CSMD2: variants seen among roughly 807,000 people sequenced by gnomAD.
CSMD2 encodes the protein CUB and Sushi multiple domains 2.
Under a neutral mutation model 398.5 loss-of-function variants are expected in CSMD2, and 130 were observed. The observed-to-expected ratio is 0.33, with a 90% CI of 0.28 to 0.38. The LOEUF is 0.38. CSMD2 is among the 10% of genes least tolerant of loss of function. The pLI, the probability that CSMD2 is intolerant of heterozygous loss-of-function variation, is 1.00. For synonymous variants in CSMD2, 1,828 were observed against 1,908.5 expected (o/e 0.96, Z 1.10); for missense variants, 3,829 against 4,764.9 (o/e 0.80, Z 5.78).
In CSMD2 at chr1:33,623,153, G is replaced by T. The variant is rs538769143; in HGVS notation, c.5722+217C>A. 2.6e-5 allele frequency among the ~76,000 whole-genome samples: 4 copies of T among 152,312 alleles called. No individual in the cohort carries two copies. In the East Asian group the frequency reaches 7.7e-4, roughly 29 times the overall value. Reference sequence around the variant, plus strand: ...GGAGGGGAGTGCAAATGGGTACCTGGTTTATTTTGGGGTGGTCAAAATGTT... The same window carrying T: ...GGAGGGGAGTGCAAATGGGTACCTGTTTTATTTTGGGGTGGTCAAAATGTT... On this transcript the variant is annotated intron_variant, in intron 36 of 70. Transcript: ENST00000373381.
At chr1:33,619,869 G>A (rs1241459795) in intron 37 of CSMD2, among the ~76,000 whole-genome samples, 1 of 152,060 alleles carries the variant, frequency 6.6e-6, no homozygotes, top group East Asian at 1.9e-4. Context: ...TTGTCATCTT[G>A]TCTATTTCTC....
intron 2 of CSMD2, among the ~76,000 whole-genome samples, chr1:34,033,187 C>T (rs1010429902): frequency 2.6e-5 from 4 of 152,002 alleles, no homozygotes; most frequent in African/African-American, 7.3e-5. Flanking sequence ...GAAATAAGTG[C>T]CTATTAGTTT....
chr1:33,767,509 T>A (rs1650662404), intron 13 of CSMD2, among the ~76,000 whole-genome samples: 1 of 152,180 alleles, frequency 6.6e-6, no homozygotes. Context: ...CCCTTTAACC[T>A]TAGCAGGATC....
At chr1:33,770,592 C>T (rs1651125115) in intron 13 of CSMD2, among the ~76,000 whole-genome samples, 1 of 152,258 alleles carries the variant, frequency 6.6e-6, no homozygotes, top group Admixed American at 6.5e-5. Flanking sequence ...GCTGTGTCCT[C>T]TTACTCTCCA....
At chr1:34,018,256 T>C (rs1035129136) in intron 3 of CSMD2, among the ~76,000 whole-genome samples, 3 of 152,240 alleles carry the variant, frequency 2.0e-5, no homozygotes, top group African/African-American at 7.2e-5. Flanking sequence ...ATAAATCTAT[T>C]AGGTAGATCT....
At chr1:33,958,376 C>A (rs375709077) in intron 3 of CSMD2, among the ~76,000 whole-genome samples, 234 of 152,328 alleles carry the variant, frequency 1.5e-3, no homozygotes, top group African/African-American at 5.5e-3. Context: ...CAGCATCCCA[C>A]CCCTTGGTCC....
Position 33,820,574 on chromosome 1 carries a change from A to AAC in CSMD2, c.1112-19_1112-18insGT. 1.7e-6 allele frequency: 2 copies of AAC among 1,161,606 alleles called. No homozygotes were observed. The highest frequency in any genetic ancestry group is 1.9e-5 in the Admixed American group (1 of 52,798). The allele number at this position is 1,161,606 out of a possible 1,614,324, so 72.0% of individuals were successfully genotyped here. ...CTGAGTTACTACAAGGCAAAAAAAA[A>AAC]AAAAAAAAAAAAAACAGCACACACA... On this transcript the variant is annotated intron_variant, in intron 7 of 70. Coordinates refer to ENST00000373381, the MANE Select transcript of CSMD2 (RefSeq NM_001281956.2).
intron 22 of CSMD2, among the ~76,000 whole-genome samples, chr1:33,704,444 C>T (rs1448184708): frequency 6.6e-6 from 1 of 152,002 alleles, no homozygotes; most frequent in Non-Finnish European, 1.5e-5. Flanking sequence ...ATAATGTTTG[C>T]TATAGGCATT....
chr1:33,944,176 A>G lies in CSMD2; in HGVS notation c.518-8222T>C, dbSNP rs554608845. 2.9e-3 allele frequency among the ~76,000 whole-genome samples: 439 copies of G among 151,996 alleles called. 1 individual carries two copies. Among genetic ancestry groups the G allele is most frequent in the African/African-American group, 9.9e-3 (411 of 41,450 alleles). On this transcript the variant is annotated intron_variant, in intron 3 of 70. Coordinates refer to ENST00000373381, the MANE Select transcript of CSMD2 (RefSeq NM_001281956.2). Reference sequence around the variant, plus strand: ...GACCACAGTTTGCTGACCCTGAACTAGTGTTTATTCAGTTATGTACTTATG... The same window carrying G: ...GACCACAGTTTGCTGACCCTGAACTGGTGTTTATTCAGTTATGTACTTATG...
At chr1:33,652,573 T>A (rs1643819249) in intron 27 of CSMD2, 112 bp from the exon 28 acceptor site, 1 of 1,273,626 alleles carries the variant, frequency 7.9e-7, no homozygotes, top group Non-Finnish European at 1.1e-6. Flanking sequence ...CAGGCTGAAG[T>A]TGAACCTGGC....
At chr1:33,566,113 G>A (rs1157762098) in intron 53 of CSMD2, among the ~76,000 whole-genome samples, 1 of 150,584 alleles carries the variant, frequency 6.6e-6, no homozygotes, top group East Asian at 1.9e-4. Context: ...AAAAAAAACA[G>A]TGGGAAACAA....
chr1:33,523,494 G>A (rs1439630336), intron 66 of CSMD2, 75 bp from the exon 67 acceptor site: 2 of 699,624 alleles, frequency 2.9e-6, no homozygotes, highest in Non-Finnish European at 5.1e-6. Flanking sequence ...GGGTTTGTGG[G>A]TGTAAGTTTC....
rs115213513 is a variant in CSMD2, at chr1:33,678,189, C to T, written c.4052+14741G>A. ...TCTCTTGCCATGTGACATGCTCGCT[C>T]CCCCTTCTCTATCCACCATGAGTAG... On this transcript the variant is annotated intron_variant, in intron 25 of 70. Coordinates refer to ENST00000373381, the MANE Select transcript of CSMD2 (RefSeq NM_001281956.2). Among the ~76,000 whole-genome samples the T allele has an allele frequency of 2.6e-3, 391 of 151,888 alleles. 1 individual carries two copies. The highest frequency in any genetic ancestry group is 8.7e-3 in the African/African-American group (361 of 41,426).
In CSMD2 at chr1:33,714,642, G is replaced by A. The variant is rs770537949; in HGVS notation, c.3351C>T (p.Ile1117=). ...PGYRLEGTAR[I]TCLGGRRRLW... is the part of the protein sequence containing the mutation. ...GGCGCCGTCTGCCCCCCAGGCACGT[G>A]ATGCGGGCGGTGCCCTCCAGACGGT... The change falls in exon 21 of 71, where the codon ATC becomes ATT. Residue 1117 remains isoleucine, a synonymous_variant. Coordinates refer to ENST00000373381, the MANE Select transcript of CSMD2 (RefSeq NM_001281956.2). 1.9e-6 allele frequency: 3 copies of A among 1,613,982 alleles called. No individual in the cohort carries two copies. Among genetic ancestry groups the A allele is most frequent in the Non-Finnish European group, 2.5e-6 (3 of 1,180,040 alleles).
In CSMD2 at chr1:33,600,978, C is replaced by T. The variant is rs750323671; in HGVS notation, c.6743G>A (p.Gly2248Asp). Residue 2248 changes from glycine (G) to aspartate (D), a missense_variant, in exon 44 of 71, where the codon GGC becomes GAC. Gly to Asp is a moderately conservative substitution (Grantham distance 94). Transcript: ENST00000373381. ...CTTGGCCATGCTCCGGGTGAAGACG[C>T]CGAGCCGTGGTGCTGTTTGCTGTGG... ...DGPQQTAPRL[G>D]VFTRSMAKKT... is the part of the protein sequence containing the mutation. 1 of 1,614,168 alleles carries T rather than the reference C, an allele frequency of 6.2e-7. No individual in the cohort carries two copies. Among genetic ancestry groups the T allele is most frequent in the Non-Finnish European group, 8.5e-7 (1 of 1,180,032 alleles).
chr1:34,102,479 C>A (rs115053169), intron 1 of CSMD2, among the ~76,000 whole-genome samples: 225 of 152,298 alleles, frequency 1.5e-3, no homozygotes, highest in African/African-American at 5.2e-3. Flanking sequence ...TCACCATAGT[C>A]CTCAAAGCTT....
intron 20 of CSMD2, 30 bp downstream of exon 20, chr1:33,716,256 C>G (rs374583859): frequency 4.6e-5 from 73 of 1,571,978 alleles, no homozygotes; most frequent in Non-Finnish European, 6.0e-5. Flanking sequence ...ACCATGGTCT[C>G]TTCCCCTCAG....
At chr1:33,953,872 G>T (rs945388184) in intron 3 of CSMD2, among the ~76,000 whole-genome samples, 1 of 152,126 alleles carries the variant, frequency 6.6e-6, no homozygotes, top group Non-Finnish European at 1.5e-5. Flanking sequence ...GCCTTCATTT[G>T]CAGGGCACTT....
intron 2 of CSMD2, among the ~76,000 whole-genome samples, chr1:34,072,209 G>A (rs1655802827): frequency 6.6e-6 from 1 of 152,214 alleles, no homozygotes; most frequent in South Asian, 2.1e-4. Flanking sequence ...CTTAAAAGTC[G>A]AGAATTGATT....
Sources: allele counts gnomAD v4.1 joint callset (sites outside exome capture counted in the v4.1 genomes callset), GRCh38; gene constraint gnomAD v4.1.1; transcripts MANE v1.5; gene names NCBI Gene and HGNC (gene_info 2026-07-23, HGNC 2026-07-21).